DNAJC11: variants seen among roughly 807,000 people sequenced by gnomAD.
The protein encoded by DNAJC11 is DnaJ heat shock protein family (Hsp40) member C11.
In DNAJC11, 15 loss-of-function variants were observed where a neutral mutation model predicts 78.6. The observed-to-expected ratio is 0.19, with a 90% CI of 0.13 to 0.29. DNAJC11 has a LOEUF of 0.29. Ranked by LOEUF, DNAJC11 falls within the 10% of genes least tolerant of loss-of-function variation. The probability of loss-of-function intolerance (pLI) is 1.00; values close to 1 mark genes in which losing one functional copy is unlikely to be tolerated. For synonymous variants in DNAJC11, 292 were observed against 272.1 expected (o/e 1.07, Z -0.72); for missense variants, 547 against 709.6 (o/e 0.77, Z 2.60).
intron 1 of DNAJC11, among the ~76,000 whole-genome samples, chr1:6,694,655 T>C (rs892206790): frequency 6.6e-5 from 10 of 152,052 alleles, no homozygotes; most frequent in Admixed American, 1.3e-4. Context: ...CATGCCACCA[T>C]GCCCAGCTAA....
intron 4 of DNAJC11, among the ~76,000 whole-genome samples, chr1:6,654,781 CTTTTTTT>C (rs3062933): frequency 9.9e-5 from 14 of 141,852 alleles, no homozygotes; most frequent in East Asian, 8.2e-4. Context: ...GCTAGCTTTT[CTTTTTTT>C]TTTTTTTTTG....
intron 4 of DNAJC11, among the ~76,000 whole-genome samples, chr1:6,655,765 C>A (rs577538423): frequency 6.6e-6 from 1 of 151,172 alleles, no homozygotes; most frequent in African/African-American, 2.4e-5. Flanking sequence ...GCCAAGATTG[C>A]GCCACTGCAC....
chr1:6,675,208 G>A lies in DNAJC11; in HGVS notation c.276+3186C>T, dbSNP rs554191366. ...GGATGTTAAGCACTAATACATATCC[G>A]AGTAAATATCTGGGGAGGTGTCTTC... On this transcript the variant is annotated intron_variant, in intron 3 of 15. Transcript: ENST00000377577. Among the ~76,000 whole-genome samples, 4 of 151,398 alleles carry A rather than the reference G, an allele frequency of 2.6e-5. No individual in the cohort carries two copies. The South Asian group carries it at 8.4e-4, about 32-fold the overall frequency.
At chr1:6,693,661 C>T (rs994727053) in intron 1 of DNAJC11, among the ~76,000 whole-genome samples, 4 of 152,098 alleles carry the variant, frequency 2.6e-5, no homozygotes, top group Admixed American at 6.5e-5. Flanking sequence ...GGATTACAGG[C>T]ATGAGCCACC....
intron 4 of DNAJC11, among the ~76,000 whole-genome samples, chr1:6,660,707 C>A (rs897304066): frequency 6.6e-5 from 10 of 152,146 alleles, no homozygotes; most frequent in Non-Finnish European, 1.5e-4. Context: ...TCCCTGATTC[C>A]CCCCTTTCGT....
chr1:6,682,461 A>T (rs1381941494), intron 1 of DNAJC11, among the ~76,000 whole-genome samples: 3 of 152,158 alleles, frequency 2.0e-5, no homozygotes, highest in Non-Finnish European at 4.4e-5. Flanking sequence ...ACATTGGCCC[A>T]TCGGTCCCAC....
intron 10 of DNAJC11, among the ~76,000 whole-genome samples, 170 bp from the exon 11 acceptor site, chr1:6,640,227 T>A (rs1641854265): frequency 6.6e-6 from 1 of 152,172 alleles, no homozygotes; most frequent in Non-Finnish European, 1.5e-5. Context: ...GGCCTCCCGT[T>A]CCAAAGTCTG....
intron 1 of DNAJC11, among the ~76,000 whole-genome samples, chr1:6,687,211 G>A (rs1406551426): frequency 1.3e-5 from 2 of 151,944 alleles, no homozygotes; most frequent in Non-Finnish European, 2.9e-5. Flanking sequence ...AGTAGATACT[G>A]ATTATACTAA....
chr1:6,648,121 A>G lies in DNAJC11; in HGVS notation c.705-2143T>C, dbSNP rs200671247. The stretch of plus-strand genomic sequence containing the variant: ...CACCTGGGGCGCTTGAAACACCTAG[A>G]TTCCCAGTCCCCTCCCTCATAAGAC... On this transcript the variant is annotated intron_variant, in intron 7 of 15. Transcript: ENST00000377577. Among the ~76,000 whole-genome samples, 15 of 152,186 alleles carry G rather than the reference A, an allele frequency of 9.9e-5. No homozygotes were observed. The East Asian group carries it at 2.9e-3, about 29-fold the overall frequency.
chr1:6,668,369 G>C (rs1408598872), intron 3 of DNAJC11, among the ~76,000 whole-genome samples: 1 of 152,100 alleles, frequency 6.6e-6, no homozygotes, highest in Non-Finnish European at 1.5e-5. Context: ...TCAATCTCCT[G>C]ACCTCGTGAT....
chr1:6,650,397 C>T (rs1406383746), intron 7 of DNAJC11, among the ~76,000 whole-genome samples: 3 of 152,054 alleles, frequency 2.0e-5, no homozygotes, highest in African/African-American at 7.2e-5. Flanking sequence ...GATAACTTAT[C>T]CCTAAAAAAA....
At chr1:6,682,501 C>T (rs959652565) in intron 1 of DNAJC11, among the ~76,000 whole-genome samples, 3 of 152,180 alleles carry the variant, frequency 2.0e-5, no homozygotes, top group African/African-American at 4.8e-5. Flanking sequence ...TGCTGGGGCC[C>T]GGGTTCTGCT....
intron 4 of DNAJC11, among the ~76,000 whole-genome samples, chr1:6,666,695 C>CT (rs1642299936): frequency 6.6e-6 from 1 of 152,158 alleles, no homozygotes; most frequent in African/African-American, 2.4e-5. Context: ...AGCCACCGCA[C>CT]CCGGCCTATT....
At chr1:6,664,241 C>CTTTT (rs946714292) in intron 4 of DNAJC11, among the ~76,000 whole-genome samples, 1 of 140,404 alleles carries the variant, frequency 7.1e-6, no homozygotes, top group Non-Finnish European at 1.6e-5. Flanking sequence ...CATTTTCTTT[C>CTTTT]TTTTTTTTTT....
intron 4 of DNAJC11, among the ~76,000 whole-genome samples, chr1:6,659,990 A>G (rs1642184102): frequency 6.7e-6 from 1 of 150,254 alleles, no homozygotes; most frequent in African/African-American, 2.4e-5. Flanking sequence ...CGGGAGGCGG[A>G]GCTTGCAGTG....
rs912845448 is a variant in DNAJC11, at chr1:6,645,363, G to A, written c.895-237C>T. ...TTCTCACAAGAAATAAAAAACTCTG[G>A]TGACACTGAGCCTATGCTCCTAGGT... On this transcript the variant is annotated intron_variant, in intron 8 of 15. Transcript: ENST00000377577. This position sits in a 1 kb window ranked among gnomAD's most constrained non-coding sequence, Gnocchi z 4.1. Among the ~76,000 whole-genome samples, 2 of 152,204 alleles carry A rather than the reference G, an allele frequency of 1.3e-5. No individual in the cohort carries two copies. Among genetic ancestry groups the A allele is most frequent in the Non-Finnish European group, 2.9e-5 (2 of 68,030 alleles).
chr1:6,661,873 C>T (rs142258101), intron 4 of DNAJC11, among the ~76,000 whole-genome samples: 3 of 152,284 alleles, frequency 2.0e-5, no homozygotes, highest in Non-Finnish European at 2.9e-5. Flanking sequence ...TCAAGTGATG[C>T]ACGCTTACAT....
rs1642086047 is a variant in DNAJC11, at chr1:6,653,534, T to C, written c.507+377A>G. Among the ~76,000 whole-genome samples the C allele has an allele frequency of 6.6e-6, 1 of 152,236 alleles. No homozygotes were observed. The highest frequency in any genetic ancestry group is 2.4e-5 in the African/African-American group (1 of 41,464). Reference sequence around the variant, plus strand: ...CCAGGGCTCAGGATGAGAGCTGCTATAGCCTTGCGGCACCTAGCAGAATTT... The same window carrying C: ...CCAGGGCTCAGGATGAGAGCTGCTACAGCCTTGCGGCACCTAGCAGAATTT... On this transcript the variant is annotated intron_variant, in intron 5 of 15. Transcript: ENST00000377577. This position sits in a 1 kb window ranked among gnomAD's most constrained non-coding sequence, Gnocchi z 4.5.
chr1:6,665,464 GAA>G (rs1642280566), intron 4 of DNAJC11, among the ~76,000 whole-genome samples: 1 of 152,166 alleles, frequency 6.6e-6, no homozygotes. Flanking sequence ...GAAATGGAAA[GAA>G]AGATATACCT....
Sources: gnomAD v4.1 joint callset for allele counts (sites outside exome capture counted in the v4.1 genomes callset) on GRCh38, gnomAD v4.1.1 for gene constraint, Gnocchi (gnomAD v3.1) non-coding constraint, MANE v1.5 for transcripts, NCBI Gene and HGNC (gene_info 2026-07-23, HGNC 2026-07-21) for gene names.